CHMP5: variants seen among roughly 807,000 people sequenced by gnomAD.
CHMP5 encodes the protein SNF7 domain containing 2.
Under a neutral mutation model 33.0 loss-of-function variants are expected in CHMP5, and 17 were observed. The ratio of observed to expected loss-of-function variants is 0.52; its 90% confidence interval spans 0.35 to 0.77. CHMP5 has a LOEUF of 0.77. CHMP5 is among the 30% of genes least tolerant of loss of function. CHMP5 has a pLI of 0.01. For synonymous variants in CHMP5, 76 were observed against 90.2 expected (o/e 0.84, Z 0.89); for missense variants, 216 against 261.5 (o/e 0.83, Z 1.20).
At chr9:33,277,069 G>T (rs957486923) in intron 6 of CHMP5, among the ~76,000 whole-genome samples, 1 of 151,654 alleles carries the variant, frequency 6.6e-6, no homozygotes, top group African/African-American at 2.4e-5. Context: ...GGTGGTGTGC[G>T]CCTGCGGTCC....
At chr9:33,271,071 C>CAAATAAAT (rs1034537668) in intron 4 of CHMP5, 81 bp from the exon 5 acceptor site, 23 of 1,155,222 alleles carry the variant, frequency 2.0e-5, no homozygotes, top group Non-Finnish European at 2.9e-5. Context: ...AACTCTGTCT[C>CAAATAAAT]AAATAAATAA....
chr9:33,271,683 A>C (rs973450131), intron 5 of CHMP5, among the ~76,000 whole-genome samples: 3 of 152,216 alleles, frequency 2.0e-5, no homozygotes, highest in African/African-American at 7.2e-5. Flanking sequence ...ATGGTTCAGT[A>C]AGTTAGGTGT....
At position 33,267,707 on chromosome 9, in the gene CHMP5, AG is replaced by A. The variant is rs199542935; in HGVS notation, c.175-142del. 1,665 of 607,928 alleles carry A rather than the reference AG, an allele frequency of 2.7e-3. 26 individuals are homozygous for A. The highest frequency in any genetic ancestry group is 0.027 in the African/African-American group (1,453 of 53,514). The allele number at this position is 607,928 out of a possible 1,614,324, so 37.7% of individuals were successfully genotyped here. On this transcript the variant is annotated intron_variant, in intron 2 of 7. Coordinates refer to ENST00000223500, the MANE Select transcript of CHMP5 (RefSeq NM_016410.6). ...GACCTTAGAGATACCTGTTTTTGGG[AG>A]GGGAAGTACAGAATCCAGGAGCCAT...
rs773880665 is a variant in CHMP5, at chr9:33,280,816, T to C, written c.617T>C (p.Val206Ala). 3.7e-6 allele frequency: 6 copies of C among 1,611,944 alleles called. No individual in the cohort carries two copies. Among genetic ancestry groups the C allele is most frequent in the Admixed American group, 3.4e-5 (2 of 59,686 alleles). Residue 206 changes from valine (V) to alanine (A), a missense_variant, in exon 8 of 8, where the codon GTT becomes GCT. Val to Ala is a moderately conservative substitution (Grantham distance 64). Transcript: ENST00000223500. ...ATTGCTTCCTTTTTACAGGATGGAGTTCTGGTGGATGAATTTGGATTGCCA... is the reference window on the plus strand; with the variant it reads ...ATTGCTTCCTTTTTACAGGATGGAGCTCTGGTGGATGAATTTGGATTGCCA... ...VPTDTKNKDGVLVDEFGLPQI... is the reference protein window; with the variant it reads ...VPTDTKNKDGALVDEFGLPQI...
chr9:33,268,830 C>G (rs1469455843), intron 3 of CHMP5, among the ~76,000 whole-genome samples: 1 of 152,164 alleles, frequency 6.6e-6, no homozygotes, highest in Non-Finnish European at 1.5e-5. Context: ...ATGCTAATTT[C>G]TTCCAGTTTC....
At chr9:33,269,329 C>T (rs993482003) in intron 3 of CHMP5, among the ~76,000 whole-genome samples, 7 of 151,882 alleles carry the variant, frequency 4.6e-5, no homozygotes, top group African/African-American at 1.7e-4. Context: ...CATGGTGAAA[C>T]CCCATCTCCA....
chr9:33,265,552 G>A (rs769617333), intron 1 of CHMP5, among the ~76,000 whole-genome samples: 3 of 152,148 alleles, frequency 2.0e-5, no homozygotes, highest in Non-Finnish European at 4.4e-5. Context: ...CAACATATCT[G>A]TGCCTTCGTC....
At position 33,282,030 on chromosome 9, in the gene CHMP5, A is replaced by C. The variant is rs1820927727; in HGVS notation, c.*1171A>C. ...ACAGTGCTATGTGCACCTGACTCTC[A>C]TGTGTCTGCAGATCAAACCAATAAA... On this transcript the variant is annotated 3_prime_UTR_variant, in exon 8 of 8. Transcript: ENST00000223500. 6.6e-6 allele frequency: 1 copy of C among 152,160 alleles called. No homozygotes were observed. The highest frequency in any genetic ancestry group is 2.1e-4 in the South Asian group (1 of 4,838). The allele number at this position is 152,160 out of a possible 1,614,324, so 9.4% of individuals were successfully genotyped here. A position where few individuals can be genotyped will look rare whatever the true frequency, so the allele number is the denominator to read the frequency against.
Position 33,266,014 on chromosome 9 carries a change from A to G in CHMP5, c.74A>G (p.Asp25Gly), listed in dbSNP as rs1168280695. 1 of 1,608,358 alleles carries G rather than the reference A, an allele frequency of 6.2e-7. No homozygotes were observed. Among genetic ancestry groups the G allele is most frequent in the East Asian group, 2.2e-5 (1 of 44,808 alleles). The change falls in exon 2 of 8, where the codon GAC (aspartate) becomes GGC (glycine). Residue 25 changes from aspartate to glycine, a missense_variant. Physicochemically the swap from Asp to Gly is moderately conservative, Grantham distance 94 (BLOSUM62 -1). Coordinates refer to ENST00000223500, the MANE Select transcript of CHMP5 (RefSeq NM_016410.6). Reference protein sequence around the residue: ...PSLTDCIGTVDSRAESIDKKI... With the variant: ...PSLTDCIGTVGSRAESIDKKI... ...CATTTGATATTTTCCCCTAAGGTGG[A>G]CAGTAGAGCAGAATCCATTGACAAG...
chr9:33,266,000 T>C lies in CHMP5; in HGVS notation c.70-10T>C. On this transcript the variant is annotated splice_polypyrimidine_tract_variant and intron_variant, in intron 1 of 7. Coordinates refer to ENST00000223500, the MANE Select transcript of CHMP5 (RefSeq NM_016410.6). Reference sequence around the variant, plus strand: ...AGTAACTACCAGTGCATTTGATATTTTCCCCTAAGGTGGACAGTAGAGCAG... The same window carrying C: ...AGTAACTACCAGTGCATTTGATATTCTCCCCTAAGGTGGACAGTAGAGCAG... 1 of 1,586,000 alleles carries C rather than the reference T, an allele frequency of 6.3e-7. No individual in the cohort carries two copies. The highest frequency in any genetic ancestry group is 8.7e-7 in the Non-Finnish European group (1 of 1,155,288).
intron 7 of CHMP5, among the ~76,000 whole-genome samples, chr9:33,280,016 C>T (rs1820902907): frequency 6.6e-6 from 1 of 151,968 alleles, no homozygotes; most frequent in African/African-American, 2.4e-5. Flanking sequence ...CCCGCTGTGT[C>T]ACCCAGGCTG....
Position 33,281,411 on chromosome 9 carries a change from GT to G in CHMP5, c.*554del, listed in dbSNP as rs1258393809. On this transcript the variant is annotated 3_prime_UTR_variant, in exon 8 of 8. Coordinates refer to ENST00000223500, the MANE Select transcript of CHMP5 (RefSeq NM_016410.6). The stretch of plus-strand genomic sequence containing the variant: ...CATGAGTGGGTATTTTGATTCTATG[GT>G]TCCCTCAGTATTACATCTTGACTTG... 1 of 152,518 alleles carries G rather than the reference GT, an allele frequency of 6.6e-6. No individual in the cohort carries two copies. Among genetic ancestry groups the G allele is most frequent in the Non-Finnish European group, 1.5e-5 (1 of 68,048 alleles). 9.4% of individuals were successfully genotyped at this position (152,518 alleles called of 1,614,324 possible). A position where few individuals can be genotyped will look rare whatever the true frequency, so the allele number is the denominator to read the frequency against.
At position 33,268,229 on chromosome 9, in the gene CHMP5, C is replaced by A. The variant is rs1221065817; in HGVS notation, c.221+330C>A. Among the ~76,000 whole-genome samples the A allele has an allele frequency of 2.0e-5, 3 of 152,118 alleles. No individual in the cohort carries two copies. The South Asian group carries it at 6.2e-4, about 32-fold the overall frequency. Reference sequence around the variant, plus strand: ...TATTCAATTTAAATAATTTAAGTAGCCTTATATGGTTAGTGACTACTGTTT... The same window carrying A: ...TATTCAATTTAAATAATTTAAGTAGACTTATATGGTTAGTGACTACTGTTT... On this transcript the variant is annotated intron_variant, in intron 3 of 7. Coordinates refer to ENST00000223500, the MANE Select transcript of CHMP5 (RefSeq NM_016410.6).
chr9:33,270,524 G>GTT, intron 3 of CHMP5, 99 bp from the exon 4 acceptor site: 42 of 935,832 alleles, frequency 4.5e-5, no homozygotes, highest in Admixed American at 8.3e-5. Flanking sequence ...TTGTTCCGTT[G>GTT]TTTTTTTTTT....
intron 5 of CHMP5, among the ~76,000 whole-genome samples, chr9:33,274,035 C>T (rs1472803624): frequency 6.6e-6 from 1 of 151,972 alleles, no homozygotes; most frequent in Non-Finnish European, 1.5e-5. Flanking sequence ...AAAATTTCCC[C>T]TCCATTTTAC....
intron 5 of CHMP5, among the ~76,000 whole-genome samples, chr9:33,272,286 TTTTG>T (rs1344124937): frequency 6.6e-6 from 1 of 152,008 alleles, no homozygotes; most frequent in Non-Finnish European, 1.5e-5. Context: ...AGGGACTTGA[TTTTG>T]TTCACTACTG....
At chr9:33,267,812 G>A in intron 2 of CHMP5, 41 bp from the exon 3 acceptor site, 2 of 1,436,036 alleles carry the variant, frequency 1.4e-6, no homozygotes. Context: ...CCGTATATGT[G>A]TTTTCCACCT....
At chr9:33,274,741 G>A (rs919482263) in intron 5 of CHMP5, among the ~76,000 whole-genome samples, 2 of 152,110 alleles carry the variant, frequency 1.3e-5, no homozygotes, top group Middle Eastern at 3.4e-3. Flanking sequence ...TCAGCCTCCC[G>A]GGTAGCTGGG....
chr9:33,270,660 T>C lies in CHMP5; in HGVS notation c.259T>C (p.Phe87Leu). Reference protein sequence around the residue: ...QQRDNLAQQSFNMEQANYTIQ... With the variant: ...QQRDNLAQQSLNMEQANYTIQ... The stretch of plus-strand genomic sequence containing the variant: ...GCGGGACAATCTTGCCCAACAGTCA[T>C]TCAACATGGAACAAGCCAATTATAC... Residue 87 changes from phenylalanine to leucine, a missense_variant, in exon 4 of 8, where the codon TTC (phenylalanine) becomes CTC (leucine). Coordinates refer to ENST00000223500, the MANE Select transcript of CHMP5 (RefSeq NM_016410.6). 1.2e-6 allele frequency: 2 copies of C among 1,614,180 alleles called. No homozygotes were observed. Among genetic ancestry groups the C allele is most frequent in the Non-Finnish European group, 1.7e-6 (2 of 1,180,024 alleles).
Sources: gnomAD v4.1 joint callset for allele counts (sites outside exome capture counted in the v4.1 genomes callset) on GRCh38, gnomAD v4.1.1 for gene constraint, MANE v1.5 for transcripts, NCBI Gene and HGNC (gene_info 2026-07-23, HGNC 2026-07-21) for gene names.